LCLAT1: variants seen among roughly 807,000 people sequenced by gnomAD.
The protein encoded by LCLAT1 is 1-AGP acyltransferase 8.
In LCLAT1, 11 loss-of-function variants were observed where a neutral mutation model predicts 30.7. The observed-to-expected ratio is 0.36, with a 90% confidence interval of 0.23 to 0.59. The LOEUF is 0.59. Among genes scored for constraint, LCLAT1 ranks in the 20% least tolerant of loss-of-function variants. The pLI is 0.77. For missense variants in LCLAT1, 402 were observed against 458.6 expected (o/e 0.88, Z 1.13); for synonymous variants, 155 against 151.3 (o/e 1.02, Z -0.18).
At chr2:30,624,696 A>G (rs1390642691) in intron 5 of LCLAT1, among the ~76,000 whole-genome samples, 2 of 152,318 alleles carry the variant, frequency 1.3e-5, no homozygotes, top group Non-Finnish European at 2.9e-5. Context: ...CACTGACCAG[A>G]CTAGACAGGT....
chr2:30,562,354 A>G, intron 4 of LCLAT1, 62 bp downstream of exon 4: 2 of 1,350,564 alleles, frequency 1.5e-6, no homozygotes, highest in Non-Finnish European at 2.0e-6. Context: ...CATTTCTCAG[A>G]TGAAGTAACT....
At chr2:30,553,421 G>A (rs1025798629) in intron 3 of LCLAT1, among the ~76,000 whole-genome samples, 1 of 152,204 alleles carries the variant, frequency 6.6e-6, no homozygotes. Flanking sequence ...GTGGAGCTAT[G>A]CCAGTATATA....
intron 5 of LCLAT1, among the ~76,000 whole-genome samples, chr2:30,599,528 AATTTTCTGTCTTGATCTGTCAGGGGTGTT>A (rs1446702308): frequency 6.6e-6 from 1 of 152,042 alleles, no homozygotes. Flanking sequence ...TATCTTTGTT[AATTTTCTGTCTTGATCTGTCAGGGGTGTT>A]AAAGTCTCCC....
intron 1 of LCLAT1, among the ~76,000 whole-genome samples, chr2:30,488,877 G>A (rs890642680): frequency 1.3e-5 from 2 of 152,172 alleles, no homozygotes; most frequent in South Asian, 2.1e-4. Context: ...GATGCTCACC[G>A]AAGGCAGTTA....
intron 1 of LCLAT1, among the ~76,000 whole-genome samples, chr2:30,503,255 T>G (rs1191475956): frequency 6.6e-6 from 1 of 152,176 alleles, no homozygotes; most frequent in African/African-American, 2.4e-5. Context: ...GTTTTTTCAC[T>G]TCATCTTGTC....
intron 1 of LCLAT1, among the ~76,000 whole-genome samples, chr2:30,468,585 TC>T (rs1453849633): frequency 6.6e-6 from 1 of 152,062 alleles, no homozygotes; most frequent in African/African-American, 2.4e-5. Flanking sequence ...AGTGGACAAA[TC>T]AGTGGCATTG....
intron 5 of LCLAT1, among the ~76,000 whole-genome samples, chr2:30,604,025 A>G (rs1667310328): frequency 6.6e-6 from 1 of 152,176 alleles, no homozygotes; most frequent in African/African-American, 2.4e-5. Context: ...GTATAATATA[A>G]ACACTAAATA....
rs919954552 is a variant in LCLAT1, at chr2:30,620,909, A to C, written c.629-19208A>C. Among the ~76,000 whole-genome samples the C allele has an allele frequency of 3.3e-5, 5 of 152,164 alleles. No individual in the cohort carries two copies. In the East Asian group the frequency reaches 9.6e-4, roughly 29 times the overall value. On this transcript the variant is annotated intron_variant, in intron 5 of 5. Coordinates refer to ENST00000379509, the MANE Select transcript of LCLAT1 (RefSeq NM_001002257.3). ...TCCAGCTTCTAGCAACTCCTGGGAT[A>C]CTTTAGCTTGTCACTGCATAACTCC...
chr2:30,605,970 C>G lies in LCLAT1; in HGVS notation c.629-34147C>G, dbSNP rs928745663. The G allele has an allele frequency of 5.5e-6, 7 of 1,262,034 alleles. No homozygotes were observed. In the African/African-American group the frequency reaches 1.1e-4, roughly 20 times the overall value. The allele number at this position is 1,262,034 out of a possible 1,614,324, so 78.2% of individuals were successfully genotyped here. A position where few individuals can be genotyped will look rare whatever the true frequency, so the allele number is the denominator to read the frequency against. On this transcript the variant is annotated intron_variant, in intron 5 of 5. Transcript: ENST00000379509. Reference sequence around the variant, plus strand: ...TGCACAGTTCACAGGAGGGTTCTTGCTACCATGAGAATCTAATGCTCCCCA... The same window carrying G: ...TGCACAGTTCACAGGAGGGTTCTTGGTACCATGAGAATCTAATGCTCCCCA...
At chr2:30,569,624 A>G (rs1272519571) in intron 5 of LCLAT1, among the ~76,000 whole-genome samples, 1 of 151,376 alleles carries the variant, frequency 6.6e-6, no homozygotes, top group East Asian at 1.9e-4. Flanking sequence ...TCTTTCCCTA[A>G]ATGGCATCAC....
rs186095729 is a variant in LCLAT1 at position 30,565,897 on chromosome 2, G to A, written c.512-2163G>A. ...GACTAAATGAACAAAGCAGAAAAGC[G>A]TGCAGCTGTATGGGTGAAAGGCATT... On this transcript the variant is annotated intron_variant, in intron 4 of 5. Transcript: ENST00000379509. Among the ~76,000 whole-genome samples the A allele has an allele frequency of 9.2e-5, 14 of 152,284 alleles. No individual in the cohort carries two copies. In the East Asian group the frequency reaches 9.7e-4, roughly 11 times the overall value.
chr2:30,560,998 A>G (rs573908789), intron 3 of LCLAT1, among the ~76,000 whole-genome samples: 3 of 149,238 alleles, frequency 2.0e-5, no homozygotes, highest in East Asian at 2.0e-4. Flanking sequence ...CTGGAGTGCA[A>G]TGGTGCAACC....
At chr2:30,462,268 A>G (rs886608380) in intron 1 of LCLAT1, among the ~76,000 whole-genome samples, 2 of 152,184 alleles carry the variant, frequency 1.3e-5, no homozygotes, top group Admixed American at 6.5e-5. Context: ...TGGGGCACTC[A>G]GTTTGTATCT....
chr2:30,540,135 C>T lies in LCLAT1; in HGVS notation c.364+6821C>T, dbSNP rs183352883. On this transcript the variant is annotated intron_variant, in intron 3 of 5. Coordinates refer to ENST00000379509, the MANE Select transcript of LCLAT1 (RefSeq NM_001002257.3). ...TGTCACTCGGTTTCCCCAAAACAGT[C>T]GTTAACAGTTGTTTTCAGAGCTATT... Among the ~76,000 whole-genome samples the T allele has an allele frequency of 1.7e-3, 255 of 152,266 alleles. 2 individuals carry two copies. Among genetic ancestry groups the T allele is most frequent in the Non-Finnish European group, 5.9e-4 (40 of 68,028 alleles).
chr2:30,556,902 G>A (rs570997098), intron 3 of LCLAT1, among the ~76,000 whole-genome samples: 56 of 152,078 alleles, frequency 3.7e-4, no homozygotes, highest in Non-Finnish European at 4.6e-4. Flanking sequence ...GCCCCACCAC[G>A]CCCGGCTAAT....
At chr2:30,626,231 G>C (rs762367284) in intron 5 of LCLAT1, among the ~76,000 whole-genome samples, 3 of 152,162 alleles carry the variant, frequency 2.0e-5, no homozygotes, top group Non-Finnish European at 4.4e-5. Context: ...GCCTCTTTTA[G>C]GCTTTTGTTG....
chr2:30,563,412 T>C (rs1271983678), intron 4 of LCLAT1, among the ~76,000 whole-genome samples: 1 of 151,794 alleles, frequency 6.6e-6, no homozygotes, highest in Non-Finnish European at 1.5e-5. Context: ...CTGGGAGGGG[T>C]GATGGTGGGG....
rs559204204 is a variant in LCLAT1 at position 30,640,812 on chromosome 2, C to T, written c.*193C>T. On this transcript the variant is annotated 3_prime_UTR_variant, in exon 6 of 6. Transcript: ENST00000379509. ...TTTTTTTAATCTCTGAATGTAATTT[C>T]GATACTGTGTACATAGCAGGGAGTG... The T allele has an allele frequency of 3.5e-5, 22 of 632,320 alleles. No homozygotes were observed. Among genetic ancestry groups the T allele is most frequent in the South Asian group, 3.1e-4 (15 of 48,004 alleles). The allele number at this position is 632,320 out of a possible 1,614,324, so 39.2% of individuals were successfully genotyped here.
chr2:30,560,283 GGTGTGTGTGTGTGT>G (rs57326977), intron 3 of LCLAT1, among the ~76,000 whole-genome samples: 15 of 144,584 alleles, frequency 1.0e-4, no homozygotes, highest in African/African-American at 2.0e-4. Flanking sequence ...AATAAAGTGT[GGTGTGTGTGTGTGT>G]GTGTGTGTGT....
Sources: allele counts gnomAD v4.1 joint callset (sites outside exome capture counted in the v4.1 genomes callset), GRCh38; gene constraint gnomAD v4.1.1; transcripts MANE v1.5; gene names NCBI Gene and HGNC (gene_info 2026-07-23, HGNC 2026-07-21).